Variants in KATNIP observed in about 807,000 individuals in gnomAD.
The protein encoded by KATNIP is katanin interacting protein.
A neutral mutation model predicts 174.0 loss-of-function variants in KATNIP; 126 were observed. That is an observed-to-expected ratio of 0.72 (90% confidence interval 0.63 to 0.84). The LOEUF (loss-of-function observed/expected upper bound fraction) is 0.84, where lower values mean the gene tolerates loss of function less well. Ranked by LOEUF, KATNIP falls within the 40% of genes least tolerant of loss-of-function variation. KATNIP has a pLI of 0.00. For missense variants in KATNIP, 1,958 were observed against 2,109.7 expected (o/e 0.93, Z 1.41); for synonymous variants, 810 against 835.7 (o/e 0.97, Z 0.53).
intron 5 of KATNIP, chr16:27,632,700 T>A: frequency 2.2e-6 from 1 of 448,662 alleles, no homozygotes; most frequent in Non-Finnish European, 4.5e-6. Context: ...GGCAGCAGGC[T>A]GTTGGTTGAT....
chr16:27,710,144 G>C lies in KATNIP; in HGVS notation c.1605+1224G>C, dbSNP rs994586007. Among the ~76,000 whole-genome samples the C allele has an allele frequency of 3.3e-5, 5 of 152,288 alleles. No individual in the cohort carries two copies. The East Asian group carries it at 9.7e-4, about 29-fold the overall frequency. Reference sequence around the variant, plus strand: ...GGAGGCCGAGGTGGGCGGATCACCTGAGGCCTGGAGTTCAAGACCAGCCTG... The same window carrying C: ...GGAGGCCGAGGTGGGCGGATCACCTCAGGCCTGGAGTTCAAGACCAGCCTG... On this transcript the variant is annotated intron_variant, in intron 13 of 27. Transcript: ENST00000261588.
At chr16:27,667,239 CA>C (rs2077718161) in intron 6 of KATNIP, among the ~76,000 whole-genome samples, 1 of 151,406 alleles carries the variant, frequency 6.6e-6, no homozygotes, top group Non-Finnish European at 1.5e-5. Flanking sequence ...CTCTTGAACC[CA>C]GGAGGTCGAG....
At chr16:27,630,068 C>A (rs931052295) in intron 4 of KATNIP, among the ~76,000 whole-genome samples, 1 of 152,186 alleles carries the variant, frequency 6.6e-6, no homozygotes, top group Non-Finnish European at 1.5e-5. Flanking sequence ...GGCGAGACTG[C>A]TTATCCCAAG....
chr16:27,604,589 G>A (rs1021002152), intron 2 of KATNIP, among the ~76,000 whole-genome samples: 1 of 152,178 alleles, frequency 6.6e-6, no homozygotes, highest in Non-Finnish European at 1.5e-5. Context: ...GAACTCTGTG[G>A]TAGTAGAGAC....
At chr16:27,564,535 G>A (rs934308188) in intron 1 of KATNIP, among the ~76,000 whole-genome samples, 3 of 152,092 alleles carry the variant, frequency 2.0e-5, no homozygotes, top group Admixed American at 2.0e-4. Flanking sequence ...GTTTGGAAAG[G>A]AAAAGAAGAT....
chr16:27,718,834 T>G (rs1335565935), intron 13 of KATNIP: 2 of 152,152 alleles, frequency 1.3e-5, no homozygotes, highest in Non-Finnish European at 2.9e-5. Context: ...TCGTTCCCCC[T>G]TAACAAAAGC....
chr16:27,600,675 C>G (rs1427065591), intron 2 of KATNIP, among the ~76,000 whole-genome samples: 2 of 151,910 alleles, frequency 1.3e-5, no homozygotes, highest in Non-Finnish European at 2.9e-5. Flanking sequence ...CCAGCCCCGC[C>G]AGTAATCCCA....
At chr16:27,695,431 C>T (rs960763776) in intron 8 of KATNIP, among the ~76,000 whole-genome samples, 5 of 152,216 alleles carry the variant, frequency 3.3e-5, no homozygotes, top group South Asian at 2.1e-4. Flanking sequence ...ACACATCACA[C>T]GCCTCCCATC....
chr16:27,721,157 CA>C (rs2080221282), intron 13 of KATNIP, among the ~76,000 whole-genome samples: 1 of 152,176 alleles, frequency 6.6e-6, no homozygotes, highest in Non-Finnish European at 1.5e-5. Flanking sequence ...CAGGGTTTTA[CA>C]AAAGAAAATC....
At chr16:27,669,764 T>C (rs1051698403) in intron 6 of KATNIP, among the ~76,000 whole-genome samples, 22 of 152,328 alleles carry the variant, frequency 1.4e-4, no homozygotes, top group African/African-American at 4.6e-4. Context: ...TTGTTTCCTT[T>C]GCGAAGAAGC....
chr16:27,673,250 G>A (rs953040280), intron 6 of KATNIP, among the ~76,000 whole-genome samples: 3 of 152,176 alleles, frequency 2.0e-5, no homozygotes, highest in Admixed American at 1.3e-4. Flanking sequence ...GAGAGAAAGG[G>A]TTGAAAATGT....
chr16:27,562,675 G>A (rs1246731206), intron 1 of KATNIP, among the ~76,000 whole-genome samples: 1 of 152,178 alleles, frequency 6.6e-6, no homozygotes, highest in Non-Finnish European at 1.5e-5. Flanking sequence ...GTGCCAGAGT[G>A]GGAATGGGTT....
intron 6 of KATNIP, among the ~76,000 whole-genome samples, chr16:27,675,083 C>G (rs1365519851): frequency 6.6e-6 from 1 of 152,186 alleles, no homozygotes; most frequent in East Asian, 1.9e-4. Flanking sequence ...CTGTATTAGT[C>G]TGTTCTCACA....
At chr16:27,642,565 T>C (rs1244906629) in intron 5 of KATNIP, among the ~76,000 whole-genome samples, 1 of 152,112 alleles carries the variant, frequency 6.6e-6, no homozygotes, top group Non-Finnish European at 1.5e-5. Context: ...TTTGGTTATA[T>C]GTTCCGGGTA....
At chr16:27,684,788 ATGTCTC>A (rs2078464387) in intron 8 of KATNIP, among the ~76,000 whole-genome samples, 1 of 152,164 alleles carries the variant, frequency 6.6e-6, no homozygotes, top group African/African-American at 2.4e-5. Context: ...TTCTCCATGT[ATGTCTC>A]TGTCTCTGTG....
intron 6 of KATNIP, among the ~76,000 whole-genome samples, chr16:27,660,826 A>G (rs1198482339): frequency 2.0e-5 from 3 of 152,200 alleles, no homozygotes; most frequent in East Asian, 3.9e-4. Context: ...TTGCAAGTTC[A>G]GTATTTAGGG....
intron 6 of KATNIP, among the ~76,000 whole-genome samples, chr16:27,651,575 G>A (rs1192339007): frequency 2.0e-5 from 3 of 152,124 alleles, no homozygotes; most frequent in East Asian, 1.9e-4. Context: ...CCAGCCTCTC[G>A]CCTTTAATCA....
In KATNIP at chr16:27,766,313, A is replaced by T. The variant is rs199652563; in HGVS notation, c.3814A>T (p.Ile1272Phe). 6.2e-7 allele frequency: 1 copy of T among 1,613,948 alleles called. No homozygotes were observed. Among genetic ancestry groups the T allele is most frequent in the Non-Finnish European group, 8.5e-7 (1 of 1,180,006 alleles). ...GCTCCGTCCCCATTGCTGCAGGTTAATTGATGGCACCAACATCACCATGGA... is the reference window on the plus strand; with the variant it reads ...GCTCCGTCCCCATTGCTGCAGGTTATTTGATGGCACCAACATCACCATGGA... ...SDDSRALDKLIDGTNITMEDE... is the reference protein window; with the variant it reads ...SDDSRALDKLFDGTNITMEDE... Residue 1272 changes from isoleucine (I) to phenylalanine (F), a missense_variant, in exon 20 of 28, where the codon ATT becomes TTT. By Grantham distance (21) the Ile-to-Phe change is conservative. This residue lies in a region of KATNIP where 18 missense variants were observed against 35.8 expected (regional missense o/e 0.50). Coordinates refer to ENST00000261588, the MANE Select transcript of KATNIP (RefSeq NM_015202.5).
intron 4 of KATNIP, among the ~76,000 whole-genome samples, chr16:27,629,605 A>G (rs1472431947): frequency 6.6e-6 from 1 of 152,238 alleles, no homozygotes; most frequent in Non-Finnish European, 1.5e-5. Flanking sequence ...AACCCAGCCT[A>G]GCATAGACAC....
Sources: gnomAD v4.1 joint callset for allele counts (sites outside exome capture counted in the v4.1 genomes callset) on GRCh38, gnomAD v4.1.1 for gene constraint, gnomAD v4.1.1 regional missense constraint, MANE v1.5 for transcripts, NCBI Gene and HGNC (gene_info 2026-07-23, HGNC 2026-07-21) for gene names.